The following ENPEP variants were observed in gnomAD, a reference collection of about 807,000 sequenced individuals.
ENPEP encodes AP-A.
In ENPEP, 103 loss-of-function variants were observed where a neutral mutation model predicts 114.5. That is an observed-to-expected ratio of 0.90 (90% confidence interval 0.77 to 1.06). ENPEP has a LOEUF of 1.06. ENPEP is among the 50% of genes least tolerant of loss of function. ENPEP has a pLI of 0.00. For synonymous variants in ENPEP, 420 were observed against 422.0 expected (o/e 1.00, Z 0.06); for missense variants, 1,196 against 1,161.3 (o/e 1.03, Z -0.43).
intron 3 of ENPEP, among the ~76,000 whole-genome samples, chr4:110,503,361 G>A (rs548650441): frequency 6.6e-6 from 1 of 152,226 alleles, no homozygotes; most frequent in African/African-American, 2.4e-5. Flanking sequence ...AATTCCTGTA[G>A]TGTGTTTTTT....
chr4:110,538,805 G>T (rs973262077), intron 11 of ENPEP, among the ~76,000 whole-genome samples: 9 of 152,076 alleles, frequency 5.9e-5, no homozygotes, highest in Admixed American at 2.0e-4. Context: ...AAGAATGATT[G>T]ATTGGGCTAA....
rs1727780905 is a variant in ENPEP, at chr4:110,564,958, TA to T, written c.*3403del. ...GCCAGCACAGAGTACACATGTGCTG[TA>T]AATGAGAAATACCCCTTTGTTATTG... On this transcript the variant is annotated 3_prime_UTR_variant, in exon 20 of 20. Coordinates refer to ENST00000265162, the MANE Select transcript of ENPEP (RefSeq NM_001977.4). The T allele has an allele frequency of 6.6e-6, 1 of 152,222 alleles. No homozygotes were observed. Among genetic ancestry groups the T allele is most frequent in the Admixed American group, 6.5e-5 (1 of 15,284 alleles). The allele number at this position is 152,222 out of a possible 1,614,324, so 9.4% of individuals were successfully genotyped here.
At chr4:110,532,805 T>A (rs1221562830) in intron 11 of ENPEP, among the ~76,000 whole-genome samples, 1 of 152,168 alleles carries the variant, frequency 6.6e-6, no homozygotes, top group East Asian at 1.9e-4. Flanking sequence ...TCAAAAAAAA[T>A]TCTAAATTTT....
rs1578424410 is a variant in ENPEP at position 110,561,612 on chromosome 4, C to T, written c.*54C>T. On this transcript the variant is annotated 3_prime_UTR_variant, in exon 20 of 20. Transcript: ENST00000265162. Reference sequence around the variant, plus strand: ...TGAATCTATTGTTTCTCCTCTGAAGCATTTGGTGGCCTAATTTACAAGCAC... The same window carrying T: ...TGAATCTATTGTTTCTCCTCTGAAGTATTTGGTGGCCTAATTTACAAGCAC... The T allele has an allele frequency of 6.5e-7, 1 of 1,543,728 alleles. No individual in the cohort carries two copies.
At chr4:110,493,784 A>G (rs893619839) in intron 3 of ENPEP, among the ~76,000 whole-genome samples, 2 of 152,182 alleles carry the variant, frequency 1.3e-5, no homozygotes, top group African/African-American at 4.8e-5. Flanking sequence ...ATGATTTCCC[A>G]CTCCAGAGAG....
chr4:110,557,134 A>G (rs1015792113), intron 18 of ENPEP, among the ~76,000 whole-genome samples: 2 of 152,126 alleles, frequency 1.3e-5, no homozygotes, highest in African/African-American at 4.8e-5. Flanking sequence ...TAAGTGATAG[A>G]GGGGTGGGAA....
chr4:110,515,285 G>A, intron 7 of ENPEP, 92 bp from the exon 8 acceptor site: 4 of 1,031,568 alleles, frequency 3.9e-6, no homozygotes, highest in Non-Finnish European at 5.9e-6. Flanking sequence ...TCACAAATAT[G>A]ATCATGAAAT....
chr4:110,523,906 G>A (rs996107782), intron 10 of ENPEP, among the ~76,000 whole-genome samples: 16 of 152,012 alleles, frequency 1.1e-4, no homozygotes, highest in African/African-American at 3.4e-4. Flanking sequence ...CAAATACTAC[G>A]TTTTGCCCAT....
chr4:110,541,994 A>T (rs1225180193), intron 11 of ENPEP, among the ~76,000 whole-genome samples: 4 of 152,136 alleles, frequency 2.6e-5, no homozygotes, highest in Admixed American at 6.6e-5. Flanking sequence ...AAATCTATAC[A>T]ATAGAGCCTC....
chr4:110,517,592 T>G (rs908090935), intron 8 of ENPEP, among the ~76,000 whole-genome samples: 21 of 152,156 alleles, frequency 1.4e-4, no homozygotes, highest in African/African-American at 4.8e-4. Flanking sequence ...TCCATAAAAC[T>G]CTCATATTTC....
At chr4:110,550,115 G>A (rs961068035) in intron 17 of ENPEP, among the ~76,000 whole-genome samples, 15 of 152,068 alleles carry the variant, frequency 9.9e-5, no homozygotes, top group South Asian at 4.2e-4. Context: ...TGTGTGCAGC[G>A]GCTCAACATT....
chr4:110,552,760 T>C (rs1158734969), intron 17 of ENPEP, among the ~76,000 whole-genome samples: 1 of 152,182 alleles, frequency 6.6e-6, no homozygotes, highest in Non-Finnish European at 1.5e-5. Flanking sequence ...TTTAGTCATT[T>C]AATTTATCTT....
intron 3 of ENPEP, among the ~76,000 whole-genome samples, chr4:110,494,938 C>A (rs1369636122): frequency 6.6e-6 from 1 of 152,112 alleles, no homozygotes; most frequent in Non-Finnish European, 1.5e-5. Flanking sequence ...TAAATGAAAT[C>A]ACTGAATTTC....
At chr4:110,558,347 G>A (rs928038908) in intron 18 of ENPEP, among the ~76,000 whole-genome samples, 1 of 149,856 alleles carries the variant, frequency 6.7e-6, no homozygotes, top group Middle Eastern at 3.2e-3. Flanking sequence ...GAGTGCAGTG[G>A]CACAATCTTG....
At chr4:110,524,546 T>C (rs1182695754) in intron 10 of ENPEP, among the ~76,000 whole-genome samples, 1 of 152,234 alleles carries the variant, frequency 6.6e-6, no homozygotes, top group Non-Finnish European at 1.5e-5. Flanking sequence ...ATAAGTCTAA[T>C]TAAAATTTTT....
chr4:110,499,747 C>T (rs1205538288), intron 3 of ENPEP, among the ~76,000 whole-genome samples: 1 of 152,090 alleles, frequency 6.6e-6, no homozygotes, highest in Non-Finnish European at 1.5e-5. Context: ...AATTAGTTTG[C>T]TTAAACATAT....
At chr4:110,560,099 C>T (rs1026453501) in intron 19 of ENPEP, among the ~76,000 whole-genome samples, 2 of 152,146 alleles carry the variant, frequency 1.3e-5, no homozygotes, top group Admixed American at 1.3e-4. Flanking sequence ...CAGCTTCATC[C>T]ATGTCCCTGC....
intron 1 of ENPEP, among the ~76,000 whole-genome samples, chr4:110,487,702 T>C (rs1560551310): frequency 6.6e-6 from 1 of 152,244 alleles, no homozygotes; most frequent in Non-Finnish European, 1.5e-5. Context: ...TCTTTACTTT[T>C]ATACTTTTTA....
At position 110,549,369 on chromosome 4, in the gene ENPEP, G is replaced by A. The variant is rs1366862306; in HGVS notation, c.2175G>A (p.Lys725=). 6.2e-7 allele frequency: 1 copy of A among 1,613,046 alleles called. No individual in the cohort carries two copies. Among genetic ancestry groups the A allele is most frequent in the Non-Finnish European group, 8.5e-7 (1 of 1,179,418 alleles). ...MIEEYFQGQV[K]PIADSLGWND... is the part of the protein sequence containing the mutation. The stretch of plus-strand genomic sequence containing the variant: ...AGGAATACTTCCAAGGTCAAGTGAA[G>A]CCTATTGCAGATTCTCTGGGATGGA... The change falls in exon 15 of 20, where the codon AAG becomes AAA. Residue 725 remains lysine, a synonymous_variant. Coordinates refer to ENST00000265162, the MANE Select transcript of ENPEP (RefSeq NM_001977.4).
Sources: allele counts gnomAD v4.1 joint callset (sites outside exome capture counted in the v4.1 genomes callset), GRCh38; gene constraint gnomAD v4.1.1; transcripts MANE v1.5; gene names NCBI Gene and HGNC (gene_info 2026-07-23, HGNC 2026-07-21).